The following STEAP1B variants were observed in gnomAD, a reference collection of about 807,000 sequenced individuals.
STEAP1B encodes the protein STEAP family protein MGC87042.
Under a neutral mutation model 27.9 loss-of-function variants are expected in STEAP1B, and 13 were observed. The observed-to-expected ratio is 0.47, with a 90% CI of 0.30 to 0.74. STEAP1B has a LOEUF of 0.74. Ranked by LOEUF, STEAP1B falls within the 30% of genes least tolerant of loss-of-function variation. The pLI is 0.06. For missense variants in STEAP1B, 250 were observed against 298.7 expected, an observed-to-expected ratio of 0.84 and a Z score of 1.20; for synonymous variants, 86 against 107.1, an observed-to-expected ratio of 0.80 and a Z score of 1.22.
chr7:22,434,060 C>G lies in STEAP1B; in HGVS notation c.763-14224G>C, dbSNP rs112734855. On this transcript the variant is annotated intron_variant, in intron 4 of 4. Transcript: ENST00000678116. Reference sequence around the variant, plus strand: ...ACAGCTGTTCTAACCACGTAAGAAGCACAAGGGTCACCGGTTACTCTCCAT... The same window carrying G: ...ACAGCTGTTCTAACCACGTAAGAAGGACAAGGGTCACCGGTTACTCTCCAT... Among the ~76,000 whole-genome samples, 1,432 of 152,316 alleles carry G rather than the reference C, an allele frequency of 9.4e-3. 13 individuals are homozygous for G. Among genetic ancestry groups the G allele is most frequent in the Non-Finnish European group, 0.015 (1,023 of 68,022 alleles).
At chr7:22,454,827 T>TTATATA (rs58507500) in intron 4 of STEAP1B, among the ~76,000 whole-genome samples, 4 of 88,746 alleles carry the variant, frequency 4.5e-5, no homozygotes, top group African/African-American at 1.6e-4. Context: ...AAAGAAAATA[T>TTATATA]TATATATATA....
rs539490174 is a variant in STEAP1B, at chr7:22,441,671, G to T, written c.763-21835C>A. Among the ~76,000 whole-genome samples, 14 of 152,220 alleles carry T rather than the reference G, an allele frequency of 9.2e-5. No individual in the cohort carries two copies. The South Asian group carries it at 2.7e-3, about 29-fold the overall frequency. ...GTCACTGTATTCCTTAAAATAAATG[G>T]CCCTAGTCCTTGCCTTTTCCTACAC... On this transcript the variant is annotated intron_variant, in intron 4 of 4. Transcript: ENST00000678116.
At chr7:22,478,782 C>T (rs760746724) in intron 4 of STEAP1B, among the ~76,000 whole-genome samples, 8 of 152,174 alleles carry the variant, frequency 5.3e-5, no homozygotes, top group Admixed American at 1.3e-4. Flanking sequence ...ACTTAAAATG[C>T]GACTACTTTG....
intron 4 of STEAP1B, among the ~76,000 whole-genome samples, chr7:22,439,313 G>T (rs1785297221): frequency 6.6e-6 from 1 of 152,168 alleles, no homozygotes; most frequent in Non-Finnish European, 1.5e-5. Flanking sequence ...CATACAAAAA[G>T]TGAACTGATA....
chr7:22,469,646 A>G (rs908481256), intron 4 of STEAP1B, among the ~76,000 whole-genome samples: 2 of 152,212 alleles, frequency 1.3e-5, no homozygotes, highest in African/African-American at 4.8e-5. Context: ...ACAGTATTCA[A>G]TAGAGTAGCA....
chr7:22,477,870 G>C (rs992950803), intron 4 of STEAP1B, among the ~76,000 whole-genome samples: 7 of 152,100 alleles, frequency 4.6e-5, no homozygotes, highest in African/African-American at 1.7e-4. Context: ...ATGTAGACCT[G>C]TGGGTCCCAT....
chr7:22,458,873 G>T (rs998951211), intron 4 of STEAP1B, among the ~76,000 whole-genome samples: 2 of 151,542 alleles, frequency 1.3e-5, no homozygotes, highest in East Asian at 3.8e-4. Context: ...GGTGTGGTAC[G>T]CTAACTTTTT....
chr7:22,438,798 G>A (rs1785289606), intron 4 of STEAP1B: 3 of 1,509,422 alleles, frequency 2.0e-6, no homozygotes, highest in Non-Finnish European at 2.7e-6. Flanking sequence ...CCTGTGTAAA[G>A]TATGTGGGAA....
intron 4 of STEAP1B, among the ~76,000 whole-genome samples, chr7:22,463,624 C>G (rs577191216): frequency 6.6e-6 from 1 of 152,164 alleles, no homozygotes; most frequent in Non-Finnish European, 1.5e-5. Context: ...ATCAATGGAA[C>G]AAAACAGAAC....
intron 4 of STEAP1B, among the ~76,000 whole-genome samples, chr7:22,470,977 G>A (rs375802411): frequency 7.9e-5 from 12 of 152,282 alleles, no homozygotes; most frequent in African/African-American, 2.9e-4. Context: ...TCTAAGAATA[G>A]GGTCAGGCTT....
intron 4 of STEAP1B, among the ~76,000 whole-genome samples, chr7:22,453,425 C>T (rs1185732648): frequency 6.6e-6 from 1 of 151,846 alleles, no homozygotes; most frequent in Non-Finnish European, 1.5e-5. Flanking sequence ...CAGTCATTGG[C>T]CTCAGGGAGG....
intron 4 of STEAP1B, among the ~76,000 whole-genome samples, chr7:22,465,789 A>G (rs915629492): frequency 1.3e-5 from 2 of 152,196 alleles, no homozygotes; most frequent in Non-Finnish European, 2.9e-5. Context: ...CGCCTTATGC[A>G]TAGAAATAGT....
intron 4 of STEAP1B, chr7:22,438,844 T>C (rs1282843146): frequency 7.4e-7 from 1 of 1,348,152 alleles, no homozygotes; most frequent in Non-Finnish European, 9.7e-7. Context: ...ATGAGAAAAC[T>C]GAATACTCTC....
intron 4 of STEAP1B, among the ~76,000 whole-genome samples, chr7:22,425,861 A>G (rs1562564474): frequency 6.6e-6 from 1 of 152,250 alleles, no homozygotes. Flanking sequence ...TATCCTGCTG[A>G]AATCAGCTAC....
Position 22,494,429 on chromosome 7 carries a change from CT to C in STEAP1B, c.84+342del, listed in dbSNP as rs5882846. 5.5e-3 allele frequency among the ~76,000 whole-genome samples: 805 copies of C among 145,610 alleles called. 1 individual carries two copies. The highest frequency in any genetic ancestry group is 0.013 in the South Asian group (61 of 4,548). On this transcript the variant is annotated intron_variant, in intron 2 of 4. Coordinates refer to ENST00000678116, the MANE Select transcript of STEAP1B (RefSeq NM_001382447.1). ...ATTACTGTTATATGGGCATTGATGA[CT>C]TTTTTTTTTTTTTAACTTAGAACTA...
chr7:22,473,631 C>T (rs1785923531), intron 4 of STEAP1B, among the ~76,000 whole-genome samples: 1 of 152,186 alleles, frequency 6.6e-6, no homozygotes, highest in African/African-American at 2.4e-5. Context: ...ATTCTACTAC[C>T]TGGTCTCCAA....
intron 4 of STEAP1B, among the ~76,000 whole-genome samples, chr7:22,466,374 C>G (rs561450822): frequency 1.7e-5 from 2 of 117,754 alleles, no homozygotes; most frequent in African/African-American, 3.2e-5. Flanking sequence ...ACCCTCCCCC[C>G]ACCCTCCACC....
At chr7:22,432,658 A>T in intron 4 of STEAP1B, among the ~76,000 whole-genome samples, 1 of 152,196 alleles carries the variant, frequency 6.6e-6, no homozygotes, top group East Asian at 1.9e-4. Context: ...GACAGTCTTC[A>T]TTCTACCCAT....
At chr7:22,499,882 C>G (rs1454876209) in intron 1 of STEAP1B, among the ~76,000 whole-genome samples, 1 of 152,262 alleles carries the variant, frequency 6.6e-6, no homozygotes, top group African/African-American at 2.4e-5. Context: ...CTGGCTCCCC[C>G]CAGCCCCCGG....
Sources: allele counts gnomAD v4.1 joint callset (sites outside exome capture counted in the v4.1 genomes callset), GRCh38; gene constraint gnomAD v4.1.1; transcripts MANE v1.5; gene names NCBI Gene and HGNC (gene_info 2026-07-23, HGNC 2026-07-21).